RANBP2: variants seen among roughly 807,000 people sequenced by gnomAD.
RANBP2 encodes E3 SUMO-protein ligase RanBP2.
RANBP2 carries 57 observed loss-of-function variants against 303.6 expected under a neutral mutation model. The ratio of observed to expected loss-of-function variants is 0.19; its 90% CI spans 0.15 to 0.23. The LOEUF (loss-of-function observed/expected upper bound fraction) is 0.23. Among genes scored for constraint, RANBP2 ranks in the 10% least tolerant of loss-of-function variants. The probability of loss-of-function intolerance (pLI) is 1.00; values close to 1 mark genes in which losing one functional copy is unlikely to be tolerated. For missense variants in RANBP2, 3,138 were observed against 3,780.8 expected, an observed-to-expected ratio of 0.83 and a Z score of 4.46; for synonymous variants, 1,167 against 1,301.5, an observed-to-expected ratio of 0.90 and a Z score of 2.23.
At chr2:109,519,268 C>A in the RANBP2 span, among the ~76,000 whole-genome samples, 1 of 152,082 alleles carries the variant, frequency 6.6e-6, no homozygotes, top group Non-Finnish European at 1.5e-5. Context: ...AACTCTAACA[C>A]GAGAACAGCA....
At chr2:109,661,518 T>C in the RANBP2 span, among the ~76,000 whole-genome samples, 1 of 152,172 alleles carries the variant, frequency 6.6e-6, no homozygotes, top group Non-Finnish European at 1.5e-5. Flanking sequence ...AGTGCTGGGA[T>C]TATAGGCATG....
At chr2:109,328,764 T>C in the RANBP2 span, among the ~76,000 whole-genome samples, 5 of 152,230 alleles carry the variant, frequency 3.3e-5, no homozygotes, top group East Asian at 7.7e-4. Flanking sequence ...TTTGTGTGTG[T>C]GAACCACAGT....
chr2:109,245,038 T>C, the RANBP2 span, among the ~76,000 whole-genome samples: 1 of 152,188 alleles, frequency 6.6e-6, no homozygotes, highest in Non-Finnish European at 1.5e-5. Flanking sequence ...TTTAAGTGTT[T>C]AGTCCTGTTG....
chr2:108,849,853 G>A, the RANBP2 span, among the ~76,000 whole-genome samples: 1 of 152,226 alleles, frequency 6.6e-6, no homozygotes, highest in Non-Finnish European at 1.5e-5. Context: ...CATCAAGAAA[G>A]AAGCCTGAAT....
chr2:109,730,776 CTTTTTTTTTTTTTTTT>C, the RANBP2 span, among the ~76,000 whole-genome samples: 2 of 79,396 alleles, frequency 2.5e-5, no homozygotes, highest in Non-Finnish European at 5.1e-5. Context: ...CTCTCTCTCT[CTTTTTTTTTTTTTTTT>C]TTTTTTTTTT....
chr2:109,731,605 G>A, the RANBP2 span, among the ~76,000 whole-genome samples: 1 of 152,022 alleles, frequency 6.6e-6, no homozygotes. Context: ...ATATTGGCCA[G>A]GCTGATCTCG....
At chr2:109,212,876 G>A in the RANBP2 span, among the ~76,000 whole-genome samples, 1 of 151,866 alleles carries the variant, frequency 6.6e-6, no homozygotes, top group Non-Finnish European at 1.5e-5. Context: ...GAACAAGGGT[G>A]GATCAGACAC....
chr2:109,477,976 G>T, the RANBP2 span, among the ~76,000 whole-genome samples: 6 of 152,208 alleles, frequency 3.9e-5, no homozygotes, highest in African/African-American at 1.4e-4. Flanking sequence ...TTCCCGCAAG[G>T]GCCTCCTCCT....
chr2:108,796,262 G>A, the RANBP2 span, among the ~76,000 whole-genome samples: 12 of 151,156 alleles, frequency 7.9e-5, no homozygotes, highest in African/African-American at 2.9e-4. Flanking sequence ...CACTGTGTTA[G>A]CCAGGATGGT....
the RANBP2 span, among the ~76,000 whole-genome samples, chr2:109,264,182 G>T: frequency 6.7e-6 from 1 of 149,588 alleles, no homozygotes; most frequent in South Asian, 2.1e-4. Flanking sequence ...TCCACCCCAA[G>T]TCTGTGTGTG....
chr2:108,814,047 G>A, the RANBP2 span, among the ~76,000 whole-genome samples: 5 of 152,268 alleles, frequency 3.3e-5, no homozygotes, highest in African/African-American at 7.2e-5. Flanking sequence ...AAGCTGCTAC[G>A]AATATTGGTG....
At chr2:109,005,932 G>C in the RANBP2 span, among the ~76,000 whole-genome samples, 1 of 152,170 alleles carries the variant, frequency 6.6e-6, no homozygotes, top group Non-Finnish European at 1.5e-5. Flanking sequence ...CTTCGGAGTC[G>C]TGGAGCTGCC....
the RANBP2 span, among the ~76,000 whole-genome samples, chr2:109,553,791 T>C: frequency 7.9e-5 from 12 of 151,830 alleles, no homozygotes; most frequent in African/African-American, 2.9e-4. Context: ...GAGGTGAAGG[T>C]TGCAGTGAGC....
chr2:109,352,048 G>T, the RANBP2 span, among the ~76,000 whole-genome samples: 1 of 152,142 alleles, frequency 6.6e-6, no homozygotes, highest in Non-Finnish European at 1.5e-5. Flanking sequence ...TCAAATCATG[G>T]CACGTTTCTT....
chr2:108,928,537 A>G, the RANBP2 span, among the ~76,000 whole-genome samples: 1 of 152,094 alleles, frequency 6.6e-6, no homozygotes, highest in South Asian at 2.1e-4. Flanking sequence ...CACTGCTTTT[A>G]TCTTTAGTCT....
At chr2:109,127,176 G>T in the RANBP2 span, among the ~76,000 whole-genome samples, 1 of 152,188 alleles carries the variant, frequency 6.6e-6, no homozygotes, top group South Asian at 2.1e-4. Flanking sequence ...AAAGCCACCT[G>T]CTGCTATCAG....
At chr2:109,524,444 CAAAAAAAAA>C in the RANBP2 span, among the ~76,000 whole-genome samples, 1 of 84,436 alleles carries the variant, frequency 1.2e-5, no homozygotes, top group African/African-American at 6.6e-5. Context: ...GACCCTGTCT[CAAAAAAAAA>C]AAAAAAAAAA....
chr2:109,514,548 G>A, the RANBP2 span, among the ~76,000 whole-genome samples: 9 of 152,298 alleles, frequency 5.9e-5, no homozygotes, highest in African/African-American at 2.2e-4. Flanking sequence ...GGATGCCGCA[G>A]GGAAGCCCTG....
At chr2:109,540,157 T>C in the RANBP2 span, among the ~76,000 whole-genome samples, 1 of 152,212 alleles carries the variant, frequency 6.6e-6, no homozygotes, top group Non-Finnish European at 1.5e-5. Context: ...AAGAACATAA[T>C]CTTTCATTCC....
Sources: gnomAD v4.1 joint callset for allele counts (sites outside exome capture counted in the v4.1 genomes callset) on GRCh38, gnomAD v4.1.1 for gene constraint, MANE v1.5 for transcripts, NCBI Gene and HGNC (gene_info 2026-07-23, HGNC 2026-07-21) for gene names.